SYCP1: variants seen among roughly 807,000 people sequenced by gnomAD.
SYCP1 encodes the protein synaptonemal complex protein 1, also known as cancer/testis antigen 8.
SYCP1 carries 64 observed loss-of-function variants against 153.1 expected under a neutral mutation model. The ratio of observed to expected loss-of-function variants is 0.42; its 90% CI spans 0.34 to 0.51. The LOEUF is 0.51. SYCP1 is among the 20% of genes least tolerant of loss of function. The pLI is 0.06. For missense variants in SYCP1, 997 were observed against 1,049.0 expected (o/e 0.95, Z 0.68); for synonymous variants, 384 against 341.8 (o/e 1.12, Z -1.36).
chr1:114,899,493 T>A (rs933556819), intron 16 of SYCP1, among the ~76,000 whole-genome samples: 1 of 152,202 alleles, frequency 6.6e-6, no homozygotes. Context: ...TTCAAAGTTA[T>A]CAGACCTGTA....
At chr1:114,950,496 A>G (rs114932024) in intron 27 of SYCP1, among the ~76,000 whole-genome samples, 1 of 152,134 alleles carries the variant, frequency 6.6e-6, no homozygotes, top group Non-Finnish European at 1.5e-5. Flanking sequence ...AAAATAGCCT[A>G]CAAACCCATA....
chr1:114,881,113 C>G lies in SYCP1; in HGVS notation c.910+2911C>G, dbSNP rs148548428. ...CACACACATTTCTTTATCCAGTCATCTGTTGATGAACACTGGTTGATTCCA... is the reference window on the plus strand; with the variant it reads ...CACACACATTTCTTTATCCAGTCATGTGTTGATGAACACTGGTTGATTCCA... On this transcript the variant is annotated intron_variant, in intron 12 of 31. Coordinates refer to ENST00000369522, the MANE Select transcript of SYCP1 (RefSeq NM_003176.4). Among the ~76,000 whole-genome samples, 5 of 150,018 alleles carry G rather than the reference C, an allele frequency of 3.3e-5. No homozygotes were observed. In the East Asian group the frequency reaches 9.9e-4, roughly 30 times the overall value.
Position 114,995,316 on chromosome 1 carries a change from T to A in SYCP1, c.*297T>A. The A allele has an allele frequency of 4.8e-6, 1 of 206,470 alleles. No homozygotes were observed. The highest frequency in any genetic ancestry group is 9.8e-6 in the Non-Finnish European group (1 of 102,524). 12.8% of individuals were successfully genotyped at this position (206,470 alleles called of 1,614,324 possible). On this transcript the variant is annotated 3_prime_UTR_variant, in exon 32 of 32. Coordinates refer to ENST00000369522, the MANE Select transcript of SYCP1 (RefSeq NM_003176.4). Reference sequence around the variant, plus strand: ...AAAGTTAGCCTTTGAATGCTAAGAATGCATTATTGAGGGTCATTCTTTATT... The same window carrying A: ...AAAGTTAGCCTTTGAATGCTAAGAAAGCATTATTGAGGGTCATTCTTTATT...
intron 8 of SYCP1, among the ~76,000 whole-genome samples, chr1:114,864,702 AGTC>A (rs2101346805): frequency 6.6e-6 from 1 of 152,006 alleles, no homozygotes; most frequent in South Asian, 2.1e-4. Context: ...TGCCCAGGAT[AGTC>A]TCAAACTCCT....
At chr1:114,977,843 A>G (rs930565664) in intron 28 of SYCP1, among the ~76,000 whole-genome samples, 70 of 151,568 alleles carry the variant, frequency 4.6e-4, no homozygotes, top group Non-Finnish European at 8.3e-4. Flanking sequence ...ATGCAGAAAC[A>G]AAAAAGAAGA....
chr1:114,890,896 C>T (rs1666661818), intron 15 of SYCP1, among the ~76,000 whole-genome samples: 5 of 151,776 alleles, frequency 3.3e-5, no homozygotes, highest in Admixed American at 3.3e-4. Flanking sequence ...CAGTTCAATT[C>T]CTCATTTTCT....
At chr1:114,967,563 G>A (rs1406419571) in intron 27 of SYCP1, among the ~76,000 whole-genome samples, 3 of 152,198 alleles carry the variant, frequency 2.0e-5, no homozygotes, top group South Asian at 4.1e-4. Flanking sequence ...TTTATTTTGA[G>A]TCTATGTGTG....
At position 114,926,574 on chromosome 1, in the gene SYCP1, T is replaced by C; in HGVS notation, c.1926+11T>C. 3 of 1,582,264 alleles carry C rather than the reference T, an allele frequency of 1.9e-6. No individual in the cohort carries two copies. Among genetic ancestry groups the C allele is most frequent in the Non-Finnish European group, 2.6e-6 (3 of 1,165,620 alleles). On this transcript the variant is annotated intron_variant, in intron 23 of 31. Transcript: ENST00000369522. ...GTTTATGAGATAAAGGTATTTGGCATCTTTATTTTTGTTTTTTAAATACTA... is the reference window on the plus strand; with the variant it reads ...GTTTATGAGATAAAGGTATTTGGCACCTTTATTTTTGTTTTTTAAATACTA...
intron 20 of SYCP1, 24 bp downstream of exon 20, chr1:114,914,069 T>TGGCAA: frequency 6.7e-7 from 1 of 1,502,584 alleles, no homozygotes; most frequent in South Asian, 1.4e-5. Context: ...ATTGGCCTTT[T>TGGCAA]TTTGTCTGGC....
chr1:114,935,606 A>C (rs1669945005), intron 23 of SYCP1, among the ~76,000 whole-genome samples: 1 of 152,208 alleles, frequency 6.6e-6, no homozygotes, highest in Non-Finnish European at 1.5e-5. Context: ...AAAATCAATG[A>C]ATCCAGGAGC....
chr1:114,917,355 G>T (rs1668571081), intron 20 of SYCP1, among the ~76,000 whole-genome samples: 1 of 152,112 alleles, frequency 6.6e-6, no homozygotes, highest in Non-Finnish European at 1.5e-5. Context: ...GTACTCCATG[G>T]TGTATATGCA....
At chr1:114,954,583 T>TTTATTTATTTA (rs1671320081) in intron 27 of SYCP1, among the ~76,000 whole-genome samples, 2 of 119,736 alleles carry the variant, frequency 1.7e-5, no homozygotes, top group African/African-American at 7.6e-5. Context: ...TTATTTATTT[T>TTTATTTATTTA]TTATTTATTT....
chr1:114,930,867 T>C (rs994775135), intron 23 of SYCP1, among the ~76,000 whole-genome samples: 2 of 151,762 alleles, frequency 1.3e-5, no homozygotes, highest in South Asian at 2.1e-4. Context: ...AAATTATTAA[T>C]AAAGTATTAG....
chr1:114,978,374 C>T (rs914469260), intron 28 of SYCP1, among the ~76,000 whole-genome samples: 1 of 151,556 alleles, frequency 6.6e-6, no homozygotes, highest in African/African-American at 2.4e-5. Flanking sequence ...TGTCCAGCTT[C>T]TCCTTTTCTT....
chr1:114,913,007 G>T, intron 18 of SYCP1, 26 bp from the exon 19 acceptor site: 11 of 1,487,064 alleles, frequency 7.4e-6, no homozygotes, highest in South Asian at 2.4e-5. Context: ...AAATATTTTG[G>T]TATGACTTTT....
chr1:114,924,712 G>A (rs1486296752), intron 21 of SYCP1, among the ~76,000 whole-genome samples: 1 of 152,092 alleles, frequency 6.6e-6, no homozygotes, highest in Non-Finnish European at 1.5e-5. Context: ...AAAAGATGGA[G>A]TTTAAGGTAG....
chr1:114,991,828 G>C lies in SYCP1; in HGVS notation c.2704-2870G>C, dbSNP rs573469869. Among the ~76,000 whole-genome samples, 181 of 151,790 alleles carry C rather than the reference G, an allele frequency of 1.2e-3. 1 individual carries two copies. The highest frequency in any genetic ancestry group is 1.5e-3 in the Non-Finnish European group (105 of 67,812). On this transcript the variant is annotated intron_variant, in intron 30 of 31. Coordinates refer to ENST00000369522, the MANE Select transcript of SYCP1 (RefSeq NM_003176.4). The stretch of plus-strand genomic sequence containing the variant: ...GAGATACTATAAAAGAAAAATAATA[G>C]AAGGCATTCAGATGGAAAGGAAGAG...
chr1:114,874,541 A>G lies in SYCP1; in HGVS notation c.634A>G (p.Met212Val). 3 of 1,576,770 alleles carry G rather than the reference A, an allele frequency of 1.9e-6. No individual in the cohort carries two copies. Among genetic ancestry groups the G allele is most frequent in the Non-Finnish European group, 2.6e-6 (3 of 1,159,338 alleles). Residue 212 changes from methionine (M) to valine (V), a missense_variant, in exon 9 of 32, where the codon ATG becomes GTG. Physicochemically the swap from Met to Val is conservative, Grantham distance 21. Around this residue, in one of 2 missense-constraint regions of SYCP1, gnomAD observed 285 missense variants for 366.1 expected, o/e 0.78. Coordinates refer to ENST00000369522, the MANE Select transcript of SYCP1 (RefSeq NM_003176.4). ...YEREETRQVY[M>V]DLNNNIEKMI... is the part of the protein sequence containing the mutation. ...ACGGGAAGAAACCAGGCAAGTTTAT[A>G]TGGATCTAAATAATAACATTGAGGT...
At position 114,911,120 on chromosome 1, in the gene SYCP1, TA is replaced by T. The variant is rs564451385; in HGVS notation, c.1426-357del. On this transcript the variant is annotated intron_variant, in intron 17 of 31. Transcript: ENST00000369522. ...TATAGTTCTTATTATTTTATAATAA[TA>T]AGAACATTTTAGTTTTTTAAGACAC... is the stretch of plus-strand genomic sequence containing the variant. 1.8e-4 allele frequency among the ~76,000 whole-genome samples: 28 copies of T among 152,100 alleles called. 2 individuals carry two copies. The South Asian group carries it at 5.8e-3, about 32-fold the overall frequency.
Sources: allele counts gnomAD v4.1 joint callset (sites outside exome capture counted in the v4.1 genomes callset), GRCh38; gene constraint gnomAD v4.1.1; regional missense constraint gnomAD v4.1.1; transcripts MANE v1.5; gene names NCBI Gene and HGNC (gene_info 2026-07-23, HGNC 2026-07-21).